PAM: variants seen among roughly 807,000 people sequenced by gnomAD.
PAM encodes the protein peptidyl-glycine alpha-amidating monooxygenase.
A neutral mutation model predicts 122.1 loss-of-function variants in PAM; 72 were observed. That is an observed-to-expected ratio of 0.59 (90% CI 0.49 to 0.72). The LOEUF (loss-of-function observed/expected upper bound fraction) is 0.72, where lower values mean the gene tolerates loss of function less well. Ranked by LOEUF, PAM falls within the 30% of genes least tolerant of loss-of-function variation. The pLI is 0.00. For missense variants in PAM, 1,106 were observed against 1,183.7 expected, an observed-to-expected ratio of 0.93 and a Z score of 0.96; for synonymous variants, 389 against 404.4, an observed-to-expected ratio of 0.96 and a Z score of 0.46.
rs754897780 is a variant in PAM at position 102,867,282 on chromosome 5, A to C, written c.99A>C (p.Glu33Asp). Residue 33 changes from glutamate to aspartate, a missense_variant, in exon 3 of 26, where the codon GAA becomes GAC. Transcript: ENST00000438793. ...SPLSVFKRFKETTRPFSNECL... is the reference protein window; with the variant it reads ...SPLSVFKRFKDTTRPFSNECL... ...TGCCCTCTTTTTTAAGGTTTAAAGA[A>C]ACTACCAGACCATTTTCCAATGAAT... 6.2e-7 allele frequency: 1 copy of C among 1,601,814 alleles called. No homozygotes were observed. The highest frequency in any genetic ancestry group is 2.2e-5 in the East Asian group (1 of 44,770).
intron 3 of PAM, among the ~76,000 whole-genome samples, chr5:102,882,110 T>TATAC (rs1561748160): frequency 1.3e-4 from 14 of 103,784 alleles, no homozygotes; most frequent in East Asian, 9.7e-4. Flanking sequence ...TATATATATA[T>TATAC]ACACCACATT....
chr5:102,783,527 C>T (rs1358989834), intron 1 of PAM, among the ~76,000 whole-genome samples: 1 of 152,102 alleles, frequency 6.6e-6, no homozygotes, highest in Non-Finnish European at 1.5e-5. Context: ...CACCGTAAGA[C>T]AAGGTTCATA....
At chr5:102,792,852 G>C (rs1297421991) in intron 1 of PAM, among the ~76,000 whole-genome samples, 2 of 152,166 alleles carry the variant, frequency 1.3e-5, no homozygotes, top group Non-Finnish European at 2.9e-5. Flanking sequence ...AGCAGGAAAT[G>C]TGCTTTCTGC....
chr5:102,971,530 T>C lies in PAM; in HGVS notation c.1163-2586T>C, dbSNP rs1765833557. 2.0e-5 allele frequency among the ~76,000 whole-genome samples: 3 copies of C among 152,188 alleles called. No homozygotes were observed. The South Asian group carries it at 6.2e-4, about 32-fold the overall frequency. On this transcript the variant is annotated intron_variant, in intron 14 of 25. Coordinates refer to ENST00000438793, the MANE Select transcript of PAM (RefSeq NM_001177306.2). ...GAGTTGAATTGTCAAGAAAGGCTTT[T>C]TTGATGTGACACCTAAGATCTGAAA...
intron 7 of PAM, among the ~76,000 whole-genome samples, chr5:102,932,622 AG>A (rs1356006122): frequency 2.0e-5 from 3 of 149,328 alleles, no homozygotes; most frequent in African/African-American, 4.9e-5. Flanking sequence ...TGGGTGACAG[AG>A]TAAGACTCCA....
intron 15 of PAM, among the ~76,000 whole-genome samples, chr5:102,981,919 C>G (rs772740503): frequency 5.1e-4 from 77 of 152,332 alleles, no homozygotes; most frequent in Non-Finnish European, 1.0e-3. Context: ...TGCCTATACT[C>G]TGTTTCCAGA....
chr5:103,026,189 C>A (rs1784892170), intron 24 of PAM, among the ~76,000 whole-genome samples: 1 of 152,156 alleles, frequency 6.6e-6, no homozygotes, highest in Non-Finnish European at 1.5e-5. Flanking sequence ...CAACCCAATT[C>A]ATGTTTCTTA....
chr5:102,952,065 C>T (rs1167741369), intron 12 of PAM, among the ~76,000 whole-genome samples: 1 of 152,054 alleles, frequency 6.6e-6, no homozygotes, highest in African/African-American at 2.4e-5. Context: ...AGGTAGTTTA[C>T]TTAAATGCCC....
intron 1 of PAM, among the ~76,000 whole-genome samples, chr5:102,845,985 A>C (rs998933418): frequency 8.5e-5 from 13 of 152,178 alleles, no homozygotes; most frequent in African/African-American, 3.1e-4. Context: ...AGGCTGTAGT[A>C]GTTTCTTTAA....
chr5:103,003,053 T>C lies in PAM; in HGVS notation c.1634T>C (p.Val545Ala). 5 of 1,591,976 alleles carry C rather than the reference T, an allele frequency of 3.1e-6. No homozygotes were observed. Among genetic ancestry groups the C allele is most frequent in the South Asian group, 1.1e-5 (1 of 90,572 alleles). ...WDGNSFDSKF[V>A]YQQIGLGPIE... ...TTTAGCTCGTTTGACAGCAAGTTTG[T>C]TTACCAGCAAATAGGACTCGGACCA... The change falls in exon 17 of 26, where the codon GTT (valine) becomes GCT (alanine). Residue 545 changes from valine to alanine, a missense_variant. Around this residue, in one of 3 missense-constraint regions of PAM, gnomAD observed 670 missense variants for 690.3 expected, o/e 0.97. Transcript: ENST00000438793.
At chr5:103,019,003 G>A (rs145318884) in intron 22 of PAM, among the ~76,000 whole-genome samples, 4 of 152,290 alleles carry the variant, frequency 2.6e-5, no homozygotes, top group African/African-American at 9.6e-5. Flanking sequence ...GCAGAGCTCA[G>A]GTGGTTACAC....
chr5:103,002,461 C>T (rs190408654), intron 16 of PAM, among the ~76,000 whole-genome samples: 12 of 152,050 alleles, frequency 7.9e-5, no homozygotes, highest in Admixed American at 6.6e-4. Context: ...ATTTTTGTCT[C>T]GAGGATAGAT....
chr5:102,939,699 A>C (rs1754464188), intron 7 of PAM, among the ~76,000 whole-genome samples: 1 of 152,172 alleles, frequency 6.6e-6, no homozygotes, highest in Admixed American at 6.6e-5. Flanking sequence ...AATTAATACT[A>C]AATCAAATGT....
chr5:102,973,325 G>C (rs1766512354), intron 14 of PAM, among the ~76,000 whole-genome samples: 1 of 152,118 alleles, frequency 6.6e-6, no homozygotes, highest in Non-Finnish European at 1.5e-5. Flanking sequence ...ACTTTCTGTA[G>C]TCATATTTTG....
intron 1 of PAM, among the ~76,000 whole-genome samples, chr5:102,848,948 G>A (rs1780651845): frequency 6.6e-6 from 1 of 152,108 alleles, no homozygotes; most frequent in South Asian, 2.1e-4. Flanking sequence ...AGATGAATGA[G>A]AAAAGACCCA....
chr5:102,919,326 A>G (rs1746541201), intron 5 of PAM, among the ~76,000 whole-genome samples: 3 of 152,014 alleles, frequency 2.0e-5, no homozygotes, highest in Admixed American at 2.0e-4. Flanking sequence ...CTGTTTTTTA[A>G]AGGTGATGTT....
chr5:102,870,526 C>T (rs995660038), intron 3 of PAM, among the ~76,000 whole-genome samples: 11 of 152,166 alleles, frequency 7.2e-5, no homozygotes, highest in African/African-American at 2.4e-4. Flanking sequence ...TTAAAAATTT[C>T]TCCCATTAAA....
chr5:102,945,696 T>A (rs928194953), intron 7 of PAM, among the ~76,000 whole-genome samples: 11 of 152,126 alleles, frequency 7.2e-5, no homozygotes, highest in Admixed American at 2.0e-4. Context: ...ACAGAATAAG[T>A]CTATCCAGCT....
At chr5:102,788,626 G>C (rs1761223179) in intron 1 of PAM, among the ~76,000 whole-genome samples, 1 of 152,030 alleles carries the variant, frequency 6.6e-6, no homozygotes, top group South Asian at 2.1e-4. Context: ...AAGTATAGTG[G>C]AATCCTTTTT....
Sources: gnomAD v4.1 joint callset for allele counts (sites outside exome capture counted in the v4.1 genomes callset) on GRCh38, gnomAD v4.1.1 for gene constraint, gnomAD v4.1.1 regional missense constraint, MANE v1.5 for transcripts, NCBI Gene and HGNC (gene_info 2026-07-23, HGNC 2026-07-21) for gene names.